Variants in SLC9C2 observed in about 807,000 individuals in gnomAD.
SLC9C2 encodes the protein solute carrier family 9 member C2 (putative).
SLC9C2 carries 75 observed loss-of-function variants against 140.2 expected under a neutral mutation model. The observed-to-expected ratio is 0.53, with a 90% CI of 0.44 to 0.65. The LOEUF is 0.65. Ranked by LOEUF, SLC9C2 falls within the 30% of genes least tolerant of loss-of-function variation. The pLI is 0.00. For missense variants in SLC9C2, 1,074 were observed against 1,331.8 expected (o/e 0.81, Z 3.01); for synonymous variants, 375 against 420.9 (o/e 0.89, Z 1.34).
chr1:173,565,748 G>A (rs1476160194), intron 9 of SLC9C2, among the ~76,000 whole-genome samples: 1 of 152,090 alleles, frequency 6.6e-6, no homozygotes, highest in Admixed American at 6.5e-5. Context: ...TGTGAAGAAC[G>A]TAATTGGTAT....
At position 173,526,714 on chromosome 1, in the gene SLC9C2, T is replaced by C. The variant is rs1305506330; in HGVS notation, c.2314A>G (p.Lys772Glu). 6.3e-7 allele frequency: 1 copy of C among 1,582,266 alleles called. No individual in the cohort carries two copies. Among genetic ancestry groups the C allele is most frequent in the Non-Finnish European group, 8.6e-7 (1 of 1,169,164 alleles). ...TTGGTTTCCAAAATTTCACATAGTT[T>C]CTGTAAAAAATTAAGAAAAACATGT... The part of the protein sequence containing the change: ...QIAVCESIYQ[K>E]LCEILETNKQ... Residue 772 changes from lysine (K) to glutamate (E), a missense_variant and splice_region_variant, in exon 19 of 28, where the codon AAA becomes GAA. Lys to Glu is a moderately conservative substitution (Grantham distance 56, BLOSUM62 1). Coordinates refer to ENST00000367714, the MANE Select transcript of SLC9C2 (RefSeq NM_178527.4).
chr1:173,501,129 C>G, intron 27 of SLC9C2, 32 bp from the exon 28 acceptor site: 2 of 1,502,918 alleles, frequency 1.3e-6, no homozygotes, highest in Non-Finnish European at 1.8e-6. Flanking sequence ...TAAATATTAG[C>G]CTATAAACAT....
chr1:173,511,277 G>A (rs549839284), intron 23 of SLC9C2, among the ~76,000 whole-genome samples: 16 of 152,058 alleles, frequency 1.1e-4, no homozygotes, highest in African/African-American at 3.6e-4. Context: ...TGATCCCCCT[G>A]CCTCAGCCTC....
chr1:173,582,013 A>G lies in SLC9C2; in HGVS notation c.641-5T>C, dbSNP rs774964334. 50 of 1,505,524 alleles carry G rather than the reference A, an allele frequency of 3.3e-5. 1 individual carries two copies. The highest frequency in any genetic ancestry group is 1.2e-5 in the Non-Finnish European group (13 of 1,120,596). The allele number at this position is 1,505,524 out of a possible 1,614,324, so 93.3% of individuals were successfully genotyped here. ...GTTCAATGCCTACATGTAAATCTAAAAAAAAGAAAGAAAAAATAAGAAATA... is the reference window on the plus strand; with the variant it reads ...GTTCAATGCCTACATGTAAATCTAAGAAAAAGAAAGAAAAAATAAGAAATA... On this transcript the variant is annotated splice_region_variant and splice_polypyrimidine_tract_variant and intron_variant, in intron 6 of 27. Transcript: ENST00000367714.
At chr1:173,511,195 C>A (rs1406952409) in intron 23 of SLC9C2, among the ~76,000 whole-genome samples, 2 of 151,834 alleles carry the variant, frequency 1.3e-5, no homozygotes, top group Admixed American at 6.6e-5. Context: ...CCATGCCCAG[C>A]TAGTTTTTGT....
intron 3 of SLC9C2, 23 bp from the exon 4 acceptor site, chr1:173,598,055 G>A: frequency 3.8e-6 from 6 of 1,562,396 alleles, no homozygotes; most frequent in South Asian, 1.2e-5. Flanking sequence ...AGGCAAACAA[G>A]AAATTAGTTT....
chr1:173,593,473 T>C (rs1366041170), intron 4 of SLC9C2, among the ~76,000 whole-genome samples: 1 of 152,158 alleles, frequency 6.6e-6, no homozygotes, highest in Non-Finnish European at 1.5e-5. Flanking sequence ...TGAGACGAGA[T>C]TGTGCCACTG....
chr1:173,558,120 T>C (rs1663835240), intron 9 of SLC9C2, among the ~76,000 whole-genome samples: 1 of 152,198 alleles, frequency 6.6e-6, no homozygotes, highest in South Asian at 2.1e-4. Context: ...TCAAATGATT[T>C]AGAACAAATG....
rs370835836 is a variant in SLC9C2, at chr1:173,551,276, T to G, written c.1298-2724A>C. 3.9e-5 allele frequency among the ~76,000 whole-genome samples: 6 copies of G among 152,286 alleles called. No homozygotes were observed. In the East Asian group the frequency reaches 7.7e-4, roughly 20 times the overall value. On this transcript the variant is annotated intron_variant, in intron 11 of 27. Transcript: ENST00000367714. ...TACCAATTTGGTTTATCAAGAAAATTGGTATCAGAGGTGAATACTGTGATA... is the reference window on the plus strand; with the variant it reads ...TACCAATTTGGTTTATCAAGAAAATGGGTATCAGAGGTGAATACTGTGATA...
intron 9 of SLC9C2, among the ~76,000 whole-genome samples, chr1:173,570,707 G>A (rs1206227781): frequency 6.6e-6 from 1 of 152,136 alleles, no homozygotes. Context: ...TTTCTACCAC[G>A]GGAATGGGTG....
chr1:173,550,102 C>T (rs1663151415), intron 11 of SLC9C2, among the ~76,000 whole-genome samples: 1 of 152,194 alleles, frequency 6.6e-6, no homozygotes, highest in African/African-American at 2.4e-5. Context: ...CTTTTCACTG[C>T]AAACAAGAAT....
At chr1:173,527,838 T>C (rs1007068276) in intron 18 of SLC9C2, among the ~76,000 whole-genome samples, 1 of 152,198 alleles carries the variant, frequency 6.6e-6, no homozygotes, top group African/African-American at 2.4e-5. Context: ...GTCTTTGTTT[T>C]GGTTTAGAAA....
chr1:173,591,875 T>A (rs1271729408), intron 4 of SLC9C2, among the ~76,000 whole-genome samples: 1 of 152,172 alleles, frequency 6.6e-6, no homozygotes. Flanking sequence ...TTTAATTAAA[T>A]CCTATTTGTT....
At chr1:173,564,566 T>C (rs939026351) in intron 9 of SLC9C2, among the ~76,000 whole-genome samples, 5 of 152,110 alleles carry the variant, frequency 3.3e-5, no homozygotes, top group Non-Finnish European at 7.4e-5. Flanking sequence ...TGTTTTCCTA[T>C]GACTTGTTTG....
chr1:173,561,012 T>C (rs1288348735), intron 9 of SLC9C2, among the ~76,000 whole-genome samples: 1 of 152,156 alleles, frequency 6.6e-6, no homozygotes, highest in Non-Finnish European at 1.5e-5. Flanking sequence ...GCCAGGCTTG[T>C]CTTGAACTCT....
At chr1:173,584,595 T>A (rs1665746236) in intron 5 of SLC9C2, among the ~76,000 whole-genome samples, 1 of 152,174 alleles carries the variant, frequency 6.6e-6, no homozygotes, top group Non-Finnish European at 1.5e-5. Context: ...CTTTTAAAAT[T>A]TTCTCTTTAT....
At chr1:173,533,900 A>C (rs1661764580) in intron 16 of SLC9C2, 103 bp from the exon 17 acceptor site, 1 of 1,250,564 alleles carries the variant, frequency 8.0e-7, no homozygotes, top group Non-Finnish European at 1.1e-6. Flanking sequence ...AATGAGTTAT[A>C]TTCCGAAAGT....
intron 17 of SLC9C2, among the ~76,000 whole-genome samples, chr1:173,531,322 T>C (rs1661569654): frequency 6.6e-6 from 1 of 152,224 alleles, no homozygotes; most frequent in African/African-American, 2.4e-5. Flanking sequence ...TAAATGGATT[T>C]GGTTTTTGTA....
chr1:173,583,625 G>A lies in SLC9C2; in HGVS notation c.524-3C>T, dbSNP rs781628127. On this transcript the variant is annotated splice_region_variant and splice_polypyrimidine_tract_variant and intron_variant, in intron 5 of 27. Transcript: ENST00000367714. ...ATCAATGTATATTTTAGAAATGCCT[G>A]AAAAAGGAAATACAAAATGTAACTC... is the stretch of plus-strand genomic sequence containing the variant. 6 of 1,432,860 alleles carry A rather than the reference G, an allele frequency of 4.2e-6. No homozygotes were observed. In the African/African-American group the frequency reaches 4.4e-5, roughly 10 times the overall value. The allele number at this position is 1,432,860 out of a possible 1,614,324, so 88.8% of individuals were successfully genotyped here. A position where few individuals can be genotyped will look rare whatever the true frequency, so the allele number is the denominator to read the frequency against.
Sources: allele counts gnomAD v4.1 joint callset (sites outside exome capture counted in the v4.1 genomes callset), GRCh38; gene constraint gnomAD v4.1.1; transcripts MANE v1.5; gene names NCBI Gene and HGNC (gene_info 2026-07-23, HGNC 2026-07-21).